The following ZNF774 variants were observed in gnomAD, a reference collection of about 807,000 sequenced individuals.
ZNF774 encodes zinc finger protein 774.
ZNF774 carries 14 observed loss-of-function variants against 11.1 expected under a neutral mutation model. The observed-to-expected ratio is 1.26, with a 90% CI of 0.83 to 1.97. The LOEUF (loss-of-function observed/expected upper bound fraction) is 1.97. Ranked by LOEUF, ZNF774 falls within the 30% of genes most tolerant of loss-of-function variation. ZNF774 has a pLI of 0.00. For synonymous variants in ZNF774, 195 were observed against 212.6 expected, an observed-to-expected ratio of 0.92 and a Z score of 0.72; for missense variants, 599 against 587.0, an observed-to-expected ratio of 1.02 and a Z score of -0.21.
chr15:90,361,143 A>C lies in ZNF774; in HGVS notation c.1312A>C (p.Lys438Gln). 6.2e-7 allele frequency: 1 copy of C among 1,611,088 alleles called. No homozygotes were observed. The highest frequency in any genetic ancestry group is 8.5e-7 in the Non-Finnish European group (1 of 1,177,044). Residue 438 changes from lysine (K) to glutamine (Q), a missense_variant, in exon 4 of 4, where the codon AAG (lysine) becomes CAG (glutamine). Coordinates refer to ENST00000354377, the MANE Select transcript of ZNF774 (RefSeq NM_001004309.3). The stretch of plus-strand genomic sequence containing the variant: ...GCCCTATCGATGTCCTGAGTGTGGC[A>C]AGACCTTCAATCAGCGTTCCCATTT... ...DRPYRCPECG[K>Q]TFNQRSHFLT... is the part of the protein sequence containing the mutation.
At chr15:90,352,781 A>G (rs905111306) in intron 1 of ZNF774, among the ~76,000 whole-genome samples, 1 of 151,496 alleles carries the variant, frequency 6.6e-6, no homozygotes, top group South Asian at 2.1e-4. Flanking sequence ...TCACAGTGGC[A>G]CTTAGTCACA....
intron 3 of ZNF774, among the ~76,000 whole-genome samples, chr15:90,359,689 A>G (rs1484474696): frequency 6.7e-6 from 1 of 150,316 alleles, no homozygotes; most frequent in Non-Finnish European, 1.5e-5. Context: ...TCCCAACCTC[A>G]AGTGATCTGC....
chr15:90,355,537 A>G, intron 2 of ZNF774: 1 of 420,126 alleles, frequency 2.4e-6, no homozygotes, highest in South Asian at 1.7e-5. Context: ...AGCCTGGCCA[A>G]CATGATGAAA....
intron 2 of ZNF774, chr15:90,355,560 T>A: frequency 2.6e-6 from 1 of 379,172 alleles, no homozygotes; most frequent in Non-Finnish European, 5.2e-6. Context: ...CTGTCTCTAC[T>A]AAAAATAAAA....
intron 1 of ZNF774, among the ~76,000 whole-genome samples, chr15:90,353,657 G>A (rs1026815366): frequency 6.6e-6 from 1 of 151,120 alleles, no homozygotes; most frequent in Non-Finnish European, 1.5e-5. Context: ...GTGCAGTGGC[G>A]CCATCATAGC....
intron 1 of ZNF774, among the ~76,000 whole-genome samples, chr15:90,353,575 G>C (rs1243622605): frequency 4.0e-5 from 6 of 150,612 alleles, no homozygotes; most frequent in Non-Finnish European, 8.9e-5. Flanking sequence ...TCTTTGTAGT[G>C]GGTGGTCATG....
intron 2 of ZNF774, among the ~76,000 whole-genome samples, chr15:90,355,011 G>C (rs1964225072): frequency 6.6e-6 from 1 of 152,162 alleles, no homozygotes; most frequent in Non-Finnish European, 1.5e-5. Flanking sequence ...GGCAAGGCTG[G>C]TCTCACTATG....
At chr15:90,356,854 C>T (rs1333411148) in intron 2 of ZNF774, among the ~76,000 whole-genome samples, 1 of 152,038 alleles carries the variant, frequency 6.6e-6, no homozygotes, top group Non-Finnish European at 1.5e-5. Flanking sequence ...ATTGCCTGAG[C>T]TACTTGGGAG....
rs1348111273 is a variant in ZNF774 at position 90,360,140 on chromosome 15, T to C, written c.309T>C (p.His103=). Residue 103 remains histidine (H), a synonymous_variant, in exon 4 of 4, where the codon CAT becomes CAC. Transcript: ENST00000354377. ...AAAGGACCAATAAAGATCTTTCTCA[T>C]ACTCTTAGTTGGGGAGGAAACTGGG... is the stretch of plus-strand genomic sequence containing the variant. The part of the protein sequence containing the change: ...SSERTNKDLS[H]TLSWGGNWEQ... 1.9e-6 allele frequency: 3 copies of C among 1,614,064 alleles called. No homozygotes were observed. In the Admixed American group the frequency reaches 5.0e-5, roughly 27 times the overall value.
At chr15:90,355,713 ACT>A (rs1255305181) in intron 2 of ZNF774, among the ~76,000 whole-genome samples, 4 of 100,376 alleles carry the variant, frequency 4.0e-5, no homozygotes, top group African/African-American at 1.8e-4. Context: ...ATAGAGCAAG[ACT>A]CTGTCTCAAA....
intron 3 of ZNF774, among the ~76,000 whole-genome samples, chr15:90,359,406 T>C (rs1366971836): frequency 6.6e-6 from 1 of 152,034 alleles, no homozygotes; most frequent in African/African-American, 2.4e-5. Flanking sequence ...TAATGGTCAG[T>C]AGTTGACTAA....
At chr15:90,356,050 AAAAC>A (rs1486256346) in intron 2 of ZNF774, among the ~76,000 whole-genome samples, 6 of 150,492 alleles carry the variant, frequency 4.0e-5, no homozygotes, top group Admixed American at 6.6e-5. Flanking sequence ...ATAAATAAAA[AAAAC>A]CAAAAACACC....
At chr15:90,359,112 C>T (rs528445115) in intron 3 of ZNF774, among the ~76,000 whole-genome samples, 155 bp downstream of exon 3, 5 of 146,068 alleles carry the variant, frequency 3.4e-5, no homozygotes, top group African/African-American at 1.3e-4. Flanking sequence ...GTCGCCCAGG[C>T]CGGACTGCGG....
Position 90,361,537 on chromosome 15 carries a change from C to T in ZNF774, c.*254C>T, listed in dbSNP as rs796080164. 1.1e-5 allele frequency: 13 copies of T among 1,191,706 alleles called. No individual in the cohort carries two copies. The South Asian group carries it at 1.3e-4, about 12-fold the overall frequency. 73.8% of individuals were successfully genotyped at this position (1,191,706 alleles called of 1,614,324 possible). A position where few individuals can be genotyped will look rare whatever the true frequency, so the allele number is the denominator to read the frequency against. On this transcript the variant is annotated 3_prime_UTR_variant, in exon 4 of 4. Coordinates refer to ENST00000354377, the MANE Select transcript of ZNF774 (RefSeq NM_001004309.3). ...AGTTTAATAGTTGATGCCCGCCAGG[C>T]GTGGTGGCTCACCCCTGTAATCCCA...
Position 90,361,247 on chromosome 15 carries a change from G to A in ZNF774, c.1416G>A (p.Ala472=), listed in dbSNP as rs138319073. Residue 472 remains alanine (A), a synonymous_variant, in exon 4 of 4, where the codon GCG becomes GCA. Transcript: ENST00000354377. The part of the protein sequence containing the change: ...SKCNKSFRQK[A]HLLCHQNTHL... ...GTAACAAGAGCTTCCGTCAGAAAGC[G>A]CATCTTTTATGCCATCAAAACACCC... 7.1e-5 allele frequency: 115 copies of A among 1,609,944 alleles called. No homozygotes were observed. The Admixed American group carries it at 1.1e-3, about 15-fold the overall frequency.
At chr15:90,353,950 GT>G (rs1964208973) in intron 1 of ZNF774, among the ~76,000 whole-genome samples, 1 of 151,986 alleles carries the variant, frequency 6.6e-6, no homozygotes, top group African/African-American at 2.4e-5. Flanking sequence ...AAAAAGTAAT[GT>G]TTTTCATGAT....
chr15:90,356,274 G>A (rs551434876), intron 2 of ZNF774, among the ~76,000 whole-genome samples: 2 of 151,864 alleles, frequency 1.3e-5, no homozygotes, highest in South Asian at 4.2e-4. Context: ...TCTCCATGTG[G>A]TCAGGCTGGT....
At chr15:90,359,656 C>A (rs1448354167) in intron 3 of ZNF774, among the ~76,000 whole-genome samples, 1 of 151,900 alleles carries the variant, frequency 6.6e-6, no homozygotes, top group South Asian at 2.1e-4. Context: ...AGTTTCACCA[C>A]GTTGGCCAGG....
chr15:90,360,404 C>T lies in ZNF774; in HGVS notation c.573C>T (p.Ser191=), dbSNP rs1421023278. The T allele has an allele frequency of 1.2e-6, 2 of 1,613,950 alleles. No homozygotes were observed. The highest frequency in any genetic ancestry group is 3.3e-5 in the Admixed American group (2 of 60,006). Residue 191 remains serine (S), a synonymous_variant, in exon 4 of 4, where the codon AGC becomes AGT. Transcript: ENST00000354377. ...AGTGTGGGAAAGGCTTCAAACAGAG[C>T]TCAGACCTTGTCACCCATCGCAGAA... ...CIECGKGFKQ[S]SDLVTHRRTH...
Sources: gnomAD v4.1 joint callset for allele counts (sites outside exome capture counted in the v4.1 genomes callset) on GRCh38, gnomAD v4.1.1 for gene constraint, MANE v1.5 for transcripts, NCBI Gene and HGNC (gene_info 2026-07-23, HGNC 2026-07-21) for gene names.